SLC38A8: variants seen among roughly 807,000 people sequenced by gnomAD.
SLC38A8 encodes the protein solute carrier family 38 member 8, also known as amino acid transporter SLC38A8.
Under a neutral mutation model 46.0 loss-of-function variants are expected in SLC38A8, and 65 were observed. The ratio of observed to expected loss-of-function variants is 1.41; its 90% CI spans 1.16 to 1.74. The LOEUF (loss-of-function observed/expected upper bound fraction) is 1.74. Among genes scored for constraint, SLC38A8 ranks in the 40% most tolerant of loss-of-function variants. SLC38A8 has a pLI of 0.00. For synonymous variants in SLC38A8, 447 were observed against 243.7 expected, an observed-to-expected ratio of 1.83 and a Z score of -7.77; for missense variants, 998 against 567.9, an observed-to-expected ratio of 1.76 and a Z score of -7.70.
chr16:84,029,211 T>A (rs945447341), intron 6 of SLC38A8, among the ~76,000 whole-genome samples: 2 of 152,106 alleles, frequency 1.3e-5, no homozygotes, highest in Non-Finnish European at 1.5e-5. Flanking sequence ...GTCCCCACAC[T>A]CTACGCGAAA....
At chr16:84,012,316 C>T (rs1199583656) in intron 10 of SLC38A8, among the ~76,000 whole-genome samples, 3 of 152,228 alleles carry the variant, frequency 2.0e-5, no homozygotes, top group African/African-American at 4.8e-5. Flanking sequence ...CTCAGCTGCT[C>T]AGTGGCAAAG....
chr16:84,042,991 C>A (rs1168878046), upstream of SLC38A8, among the ~76,000 whole-genome samples: 6 of 152,192 alleles, frequency 3.9e-5, no homozygotes, highest in East Asian at 1.9e-4. Flanking sequence ...TCCATCCTCA[C>A]ATACCTCTCC....
chr16:84,014,799 C>T (rs562430316), intron 9 of SLC38A8, among the ~76,000 whole-genome samples: 1 of 152,228 alleles, frequency 6.6e-6, no homozygotes, highest in African/African-American at 2.4e-5. Flanking sequence ...GCTAAGAACC[C>T]ACTTTTCATA....
At chr16:84,041,284 C>G (rs1567706752) in intron 2 of SLC38A8, 1 of 152,270 alleles carries the variant, frequency 6.6e-6, no homozygotes, top group Non-Finnish European at 1.5e-5. Context: ...GAGTGTCACA[C>G]CAGTTTTAGG....
intron 2 of SLC38A8, chr16:84,041,266 G>A (rs966762519): frequency 2.0e-5 from 3 of 152,326 alleles, no homozygotes; most frequent in Non-Finnish European, 4.4e-5. Flanking sequence ...TCTGTGTGGG[G>A]AGTGTGGGAG....
chr16:84,031,682 G>T (rs2085239893), intron 5 of SLC38A8, among the ~76,000 whole-genome samples, 185 bp downstream of exon 5: 1 of 148,742 alleles, frequency 6.7e-6, no homozygotes, highest in South Asian at 2.2e-4. Flanking sequence ...CCACGGCCAG[G>T]TCCCTGCAGC....
At position 84,032,909 on chromosome 16, in the gene SLC38A8, AGCATGGGTGGGTGTGGGTACGTGGGTGT is replaced by A. The variant is rs1567701258; in HGVS notation, c.530+391_530+418del. ...ATGGGGGTGCATGTGTGGGTGGGTG[AGCATGGGTGGGTGTGGGTACGTGGGTGT>A]GCATGGGTGGGTGTGGGTAGGTGGG... On this transcript the variant is annotated intron_variant, in intron 4 of 10. Transcript: ENST00000299709. Among the ~76,000 whole-genome samples, 39 of 80,492 alleles carry A rather than the reference AGCATGGGTGGGTGTGGGTACGTGGGTGT, an allele frequency of 4.8e-4. 2 individuals carry two copies. The South Asian group carries it at 7.4e-3, about 15-fold the overall frequency. 52.8% of individuals were successfully genotyped at this position (80,492 alleles called of 152,430 possible).
At chr16:84,012,551 G>C (rs1019897807) in intron 10 of SLC38A8, among the ~76,000 whole-genome samples, 21 of 152,200 alleles carry the variant, frequency 1.4e-4, no homozygotes, top group African/African-American at 5.1e-4. Flanking sequence ...GTATGGTGGG[G>C]AGGTGAACAT....
intron 4 of SLC38A8, among the ~76,000 whole-genome samples, chr16:84,032,961 G>A (rs534642416): frequency 2.6e-4 from 35 of 136,876 alleles, no homozygotes; most frequent in Non-Finnish European, 5.1e-4. Flanking sequence ...TGGGTAGGTG[G>A]GTGTGCATGG....
chr16:84,033,440 G>T lies in SLC38A8; in HGVS notation c.418C>A (p.Pro140Thr). Reference protein sequence around the residue: ...LCDSLLSGTPPAPQPWYADQR... With the variant: ...LCDSLLSGTPTAPQPWYADQR... ...TCTGCGTACCACGGCTGCGGGGCGG[G>T]CGGGGTGCCAGACAGGAGGGAGTCA... Residue 140 changes from proline to threonine, a missense_variant, in exon 4 of 11, where the codon CCC (proline) becomes ACC (threonine). Coordinates refer to ENST00000299709, the MANE Select transcript of SLC38A8 (RefSeq NM_001080442.3). 6.2e-7 allele frequency: 1 copy of T among 1,610,906 alleles called. No homozygotes were observed.
intron 4 of SLC38A8, among the ~76,000 whole-genome samples, chr16:84,032,693 C>G (rs189060055): frequency 3.3e-5 from 5 of 152,316 alleles, no homozygotes; most frequent in African/African-American, 9.6e-5. Flanking sequence ...GAGGGAGGCT[C>G]GGGTTTGCTG....
chr16:84,027,800 G>T (rs566547997), intron 6 of SLC38A8, among the ~76,000 whole-genome samples: 1 of 152,192 alleles, frequency 6.6e-6, no homozygotes, highest in African/African-American at 2.4e-5. Context: ...AAGGTGAGGG[G>T]CACCCCTTGC....
chr16:84,027,825 C>G (rs1038119206), intron 6 of SLC38A8, among the ~76,000 whole-genome samples: 2 of 152,190 alleles, frequency 1.3e-5, no homozygotes, highest in Non-Finnish European at 2.9e-5. Flanking sequence ...ATCGGGGAGG[C>G]GGCCCCGGCG....
rs533511983 is a variant in SLC38A8, at chr16:84,017,522, C to T, written c.806-235G>A. Among the ~76,000 whole-genome samples the T allele has an allele frequency of 3.9e-4, 60 of 152,330 alleles. No homozygotes were observed. The South Asian group carries it at 0.011, about 27-fold the overall frequency. On this transcript the variant is annotated intron_variant, in intron 7 of 10. Transcript: ENST00000299709. Reference sequence around the variant, plus strand: ...CCACTTATCCTCCTTTCAAATCGCTCACAGAGCTGGTGCACGGAGCTCACC... The same window carrying T: ...CCACTTATCCTCCTTTCAAATCGCTTACAGAGCTGGTGCACGGAGCTCACC...
Position 84,017,427 on chromosome 16 carries a change from C to A in SLC38A8, c.806-140G>T, listed in dbSNP as rs1269961706. ...AAAGAAGGTTCTGGAAGGGATAGCC[C>A]AAAGCTTTCCTGTCCTAAGCCTACA... On this transcript the variant is annotated intron_variant, in intron 7 of 10. Coordinates refer to ENST00000299709, the MANE Select transcript of SLC38A8 (RefSeq NM_001080442.3). The A allele has an allele frequency of 3.1e-6, 3 of 978,620 alleles. No homozygotes were observed. In the African/African-American group the frequency reaches 4.9e-5, roughly 16 times the overall value. 60.6% of individuals were successfully genotyped at this position (978,620 alleles called of 1,614,324 possible). A position where few individuals can be genotyped will look rare whatever the true frequency, so the allele number is the denominator to read the frequency against.
chr16:84,017,350 C>T (rs2085042750), intron 7 of SLC38A8, 63 bp from the exon 8 acceptor site: 3 of 1,582,658 alleles, frequency 1.9e-6, no homozygotes, highest in Admixed American at 1.8e-5. Flanking sequence ...CCTCCCCCAC[C>T]AACAGACAGA....
chr16:84,009,723 T>A lies in SLC38A8; in HGVS notation c.*61A>T. On this transcript the variant is annotated 3_prime_UTR_variant, in exon 11 of 11. Transcript: ENST00000299709. ...AAATGGCATCGGTCTCCTGGCTGCA[T>A]ACAGCAGCCACGTAGGGTCAGCCCC... 2 of 1,413,318 alleles carry A rather than the reference T, an allele frequency of 1.4e-6. No individual in the cohort carries two copies. The highest frequency in any genetic ancestry group is 2.0e-6 in the Non-Finnish European group (2 of 1,021,750). The allele number at this position is 1,413,318 out of a possible 1,614,324, so 87.5% of individuals were successfully genotyped here. A position where few individuals can be genotyped will look rare whatever the true frequency, so the allele number is the denominator to read the frequency against.
At position 84,018,223 on chromosome 16, in the gene SLC38A8, CTTTTTTTTTTTTTTT is replaced by C. The variant is rs796178053; in HGVS notation, c.806-951_806-937del. The stretch of plus-strand genomic sequence containing the variant: ...ATGAGCTCTGACTCAGCCCTCATTC[CTTTTTTTTTTTTTTT>C]TTTTTTTTTTTTGAGACAGAGTCTC... On this transcript the variant is annotated intron_variant, in intron 7 of 10. Transcript: ENST00000299709. Among the ~76,000 whole-genome samples, 502 of 79,974 alleles carry C rather than the reference CTTTTTTTTTTTTTTT, an allele frequency of 6.3e-3. 1 individual carries two copies. Among genetic ancestry groups the C allele is most frequent in the African/African-American group, 0.031 (474 of 15,304 alleles). The allele number at this position is 79,974 out of a possible 152,430, so 52.5% of individuals were successfully genotyped here.
intron 6 of SLC38A8, among the ~76,000 whole-genome samples, chr16:84,024,431 G>C (rs1567696528): frequency 6.6e-6 from 1 of 151,990 alleles, no homozygotes. Flanking sequence ...CTCCTGCTTT[G>C]GCCTCCCTAA....
Sources: allele counts gnomAD v4.1 joint callset (sites outside exome capture counted in the v4.1 genomes callset), GRCh38; gene constraint gnomAD v4.1.1; transcripts MANE v1.5; gene names NCBI Gene and HGNC (gene_info 2026-07-23, HGNC 2026-07-21).